Variants in OPCML observed in about 807,000 individuals in gnomAD.
OPCML encodes opioid binding protein/cell adhesion molecule like.
OPCML carries 13 observed loss-of-function variants against 37.8 expected under a neutral mutation model. That is an observed-to-expected ratio of 0.34 (90% CI 0.22 to 0.55). The LOEUF (loss-of-function observed/expected upper bound fraction) is 0.55. Ranked by LOEUF, OPCML falls within the 20% of genes least tolerant of loss-of-function variation. The pLI, the probability that OPCML is intolerant of heterozygous loss-of-function variation, is 0.91. For missense variants in OPCML, 341 were observed against 435.6 expected (o/e 0.78, Z 1.93); for synonymous variants, 176 against 168.8 (o/e 1.04, Z -0.33).
At chr11:133,079,287 C>T (rs1023545706) in intron 1 of OPCML, among the ~76,000 whole-genome samples, 2 of 152,182 alleles carry the variant, frequency 1.3e-5, no homozygotes, top group African/African-American at 4.8e-5. Flanking sequence ...AGCCTCACAG[C>T]AGGGTTATCC....
intron 2 of OPCML, among the ~76,000 whole-genome samples, chr11:132,728,276 G>C (rs1043731774): frequency 2.0e-5 from 3 of 152,136 alleles, no homozygotes; most frequent in Non-Finnish European, 4.4e-5. Context: ...TCCTGCCTGG[G>C]TGACAGGAGT....
intron 2 of OPCML, among the ~76,000 whole-genome samples, chr11:132,789,362 A>C (rs1169375374): frequency 1.3e-5 from 2 of 152,248 alleles, no homozygotes; most frequent in Non-Finnish European, 1.5e-5. Flanking sequence ...ATAACATGAA[A>C]ACAGAAAGCA....
chr11:132,820,184 G>A (rs547586878), intron 2 of OPCML, among the ~76,000 whole-genome samples: 7 of 152,284 alleles, frequency 4.6e-5, no homozygotes, highest in East Asian at 3.9e-4. Context: ...TTAGGAGCCC[G>A]TAAAAGTAAG....
intron 1 of OPCML, among the ~76,000 whole-genome samples, chr11:132,995,977 G>T (rs1946877113): frequency 6.6e-6 from 1 of 152,172 alleles, no homozygotes; most frequent in Admixed American, 6.5e-5. Context: ...CCCCAGCCAA[G>T]AGTCTTCTCT....
At chr11:133,452,247 G>GA (rs1946593980) in intron 1 of OPCML, among the ~76,000 whole-genome samples, 1 of 151,484 alleles carries the variant, frequency 6.6e-6, no homozygotes, top group Admixed American at 6.6e-5. Flanking sequence ...AATAGAAAGG[G>GA]AAATACATGA....
chr11:132,425,063 C>T (rs533951254), intron 7 of OPCML, among the ~76,000 whole-genome samples: 15 of 152,140 alleles, frequency 9.9e-5, no homozygotes, highest in Non-Finnish European at 1.9e-4. Flanking sequence ...ATGTGTCCAT[C>T]CTGCAATGGA....
At chr11:132,643,812 G>A (rs368313182) in intron 3 of OPCML, among the ~76,000 whole-genome samples, 1 of 152,274 alleles carries the variant, frequency 6.6e-6, no homozygotes, top group East Asian at 1.9e-4. Flanking sequence ...TTTGGTCTGC[G>A]TTAGAGAGCC....
intron 3 of OPCML, among the ~76,000 whole-genome samples, chr11:132,533,799 A>G (rs1181993567): frequency 6.6e-6 from 1 of 151,086 alleles, no homozygotes; most frequent in Non-Finnish European, 1.5e-5. Flanking sequence ...TGATCCACCC[A>G]CTCTCCAGTT....
At chr11:132,445,920 A>T (rs2096053603) in intron 4 of OPCML, among the ~76,000 whole-genome samples, 1 of 152,112 alleles carries the variant, frequency 6.6e-6, no homozygotes, top group South Asian at 2.1e-4. Flanking sequence ...CATGATGTCA[A>T]CAGCAGCAGC....
At chr11:133,390,437 C>T (rs1446111811) in intron 1 of OPCML, among the ~76,000 whole-genome samples, 23 of 151,794 alleles carry the variant, frequency 1.5e-4, no homozygotes, top group Admixed American at 9.2e-4. Context: ...CACTCCAGCC[C>T]GGGTGACAGA....
intron 2 of OPCML, among the ~76,000 whole-genome samples, chr11:132,942,052 T>C (rs922628632): frequency 6.6e-6 from 1 of 152,220 alleles, no homozygotes; most frequent in South Asian, 2.1e-4. Flanking sequence ...TTGTGAGACA[T>C]AGTTAAGCTG....
chr11:132,991,391 AC>A (rs781491937), intron 1 of OPCML, among the ~76,000 whole-genome samples: 15 of 152,142 alleles, frequency 9.9e-5, no homozygotes, highest in Non-Finnish European at 7.3e-5. Flanking sequence ...ATTAAATTCC[AC>A]TCAATAATGC....
chr11:133,245,780 T>C (rs1592137712), intron 1 of OPCML, among the ~76,000 whole-genome samples: 1 of 152,188 alleles, frequency 6.6e-6, no homozygotes, highest in Non-Finnish European at 1.5e-5. Context: ...TGGAATACTA[T>C]GCAGCCATAA....
rs150988017 is a variant in OPCML, at chr11:133,187,512, G to T, written c.62-244502C>A. Among the ~76,000 whole-genome samples, 226 of 152,192 alleles carry T rather than the reference G, an allele frequency of 1.5e-3. 1 individual carries two copies. The highest frequency in any genetic ancestry group is 5.2e-3 in the African/African-American group (217 of 41,544). On this transcript the variant is annotated intron_variant, in intron 1 of 7. Coordinates refer to ENST00000524381, the MANE Select transcript of OPCML (RefSeq NM_001012393.5). ...CTATTCAGTTGCTTCTTTTCGCATG[G>T]TCTGTTGGTTTTTCTGGCCTAGCTC...
intron 2 of OPCML, among the ~76,000 whole-genome samples, chr11:132,924,877 C>T (rs778490640): frequency 4.6e-4 from 49 of 107,344 alleles, no homozygotes; most frequent in Non-Finnish European, 7.7e-4. Context: ...TTCTCTCTTG[C>T]TTTTGTTTCT....
chr11:132,892,533 C>T (rs1300359782), intron 2 of OPCML, among the ~76,000 whole-genome samples: 1 of 152,142 alleles, frequency 6.6e-6, no homozygotes, highest in Non-Finnish European at 1.5e-5. Context: ...TTTTGGGAGG[C>T]CGAGGCGGGT....
chr11:133,326,311 G>A (rs1429211244), intron 1 of OPCML, among the ~76,000 whole-genome samples: 5 of 87,268 alleles, frequency 5.7e-5, no homozygotes, highest in Non-Finnish European at 1.1e-4. Context: ...GTGTGGGTAT[G>A]TATAAGTGTG....
chr11:132,515,281 A>C (rs1176768583), intron 4 of OPCML, among the ~76,000 whole-genome samples: 1 of 152,172 alleles, frequency 6.6e-6, no homozygotes, highest in Non-Finnish European at 1.5e-5. Context: ...TAAGAAAAAT[A>C]ACACAAGGAA....
chr11:132,744,268 C>G (rs560261055), intron 2 of OPCML, among the ~76,000 whole-genome samples: 1 of 152,178 alleles, frequency 6.6e-6, no homozygotes, highest in African/African-American at 2.4e-5. Flanking sequence ...TTTATGCACT[C>G]GCTTGTCCAT....
Sources: gnomAD v4.1 joint callset for allele counts (sites outside exome capture counted in the v4.1 genomes callset) on GRCh38, gnomAD v4.1.1 for gene constraint, MANE v1.5 for transcripts, NCBI Gene and HGNC (gene_info 2026-07-23, HGNC 2026-07-21) for gene names.